MAN1A2: variants seen among roughly 807,000 people sequenced by gnomAD.
MAN1A2 encodes mannosidase alpha class 1A member 2.
MAN1A2 carries 26 observed loss-of-function variants against 75.7 expected under a neutral mutation model. The ratio of observed to expected loss-of-function variants is 0.34; its 90% CI spans 0.25 to 0.48. The LOEUF (loss-of-function observed/expected upper bound fraction) is 0.48. Ranked by LOEUF, MAN1A2 falls within the 20% of genes least tolerant of loss-of-function variation. MAN1A2 has a pLI of 0.99. For missense variants in MAN1A2, 562 were observed against 775.5 expected, an observed-to-expected ratio of 0.72 and a Z score of 3.27; for synonymous variants, 247 against 264.6, an observed-to-expected ratio of 0.93 and a Z score of 0.65.
intron 8 of MAN1A2, among the ~76,000 whole-genome samples, chr1:117,472,450 T>G (rs1435582728): frequency 6.6e-6 from 1 of 152,076 alleles, no homozygotes; most frequent in Non-Finnish European, 1.5e-5. Flanking sequence ...TATCAACCAC[T>G]GTTCCAGATG....
chr1:117,382,998 C>A (rs945223652), intron 1 of MAN1A2, among the ~76,000 whole-genome samples: 1 of 152,150 alleles, frequency 6.6e-6, no homozygotes, highest in Non-Finnish European at 1.5e-5. Context: ...TTTACTTCTT[C>A]CTTTCCAATT....
At chr1:117,470,554 A>G (rs1301333096) in intron 8 of MAN1A2, among the ~76,000 whole-genome samples, 2 of 152,076 alleles carry the variant, frequency 1.3e-5, no homozygotes, top group Admixed American at 6.6e-5. Flanking sequence ...CACAAAATAA[A>G]TTCAAATTAC....
chr1:117,442,321 A>G lies in MAN1A2; in HGVS notation c.946A>G (p.Lys316Glu), dbSNP rs1319585356. The G allele has an allele frequency of 1.4e-5, 22 of 1,597,806 alleles. No homozygotes were observed. The highest frequency in any genetic ancestry group is 1.9e-5 in the Non-Finnish European group (22 of 1,165,338). Residue 316 changes from lysine (K) to glutamate (E), a missense_variant, in exon 6 of 13, where the codon AAA (lysine) becomes GAA (glutamate). Physicochemically the swap from Lys to Glu is moderately conservative, Grantham distance 56. Around this residue, in one of 2 missense-constraint regions of MAN1A2, gnomAD observed 434 missense variants for 645.7 expected, o/e 0.67. Coordinates refer to ENST00000356554, the MANE Select transcript of MAN1A2 (RefSeq NM_006699.5). ...TGIPWAMVNL[K>E]SGVGRNWGWA... is the part of the protein sequence containing the mutation. Reference sequence around the variant, plus strand: ...GATTCCTTGGGCAATGGTGAATTTGAAAAGGTAACTCTATGTGGGTATTCT... The same window carrying G: ...GATTCCTTGGGCAATGGTGAATTTGGAAAGGTAACTCTATGTGGGTATTCT...
intron 8 of MAN1A2, among the ~76,000 whole-genome samples, chr1:117,491,525 G>T (rs903151268): frequency 5.3e-5 from 8 of 151,830 alleles, no homozygotes; most frequent in African/African-American, 1.7e-4. Flanking sequence ...ACCATTTTCT[G>T]CAGTGAAGAT....
intron 8 of MAN1A2, among the ~76,000 whole-genome samples, chr1:117,490,352 G>A (rs534324198): frequency 5.4e-4 from 82 of 151,952 alleles, no homozygotes; most frequent in African/African-American, 1.8e-3. Context: ...TTAGTATTAT[G>A]TATGTTATAG....
At chr1:117,510,401 A>C (rs913987983) in intron 12 of MAN1A2, among the ~76,000 whole-genome samples, 1 of 152,050 alleles carries the variant, frequency 6.6e-6, no homozygotes, top group African/African-American at 2.4e-5. Context: ...ACTACCTGAT[A>C]ATGTGTAGTA....
At chr1:117,495,757 T>A (rs1651020086) in intron 9 of MAN1A2, among the ~76,000 whole-genome samples, 1 of 151,832 alleles carries the variant, frequency 6.6e-6, no homozygotes, top group Non-Finnish European at 1.5e-5. Flanking sequence ...TATCATGAGG[T>A]TCAAAAAGAT....
chr1:117,403,746 T>C (rs1171053620), intron 2 of MAN1A2, among the ~76,000 whole-genome samples: 3 of 152,230 alleles, frequency 2.0e-5, no homozygotes, highest in African/African-American at 7.2e-5. Flanking sequence ...TCTTGATTTT[T>C]ATACCTTTTA....
intron 7 of MAN1A2, among the ~76,000 whole-genome samples, chr1:117,462,602 T>C (rs1649855523): frequency 6.6e-6 from 1 of 152,110 alleles, no homozygotes; most frequent in African/African-American, 2.4e-5. Flanking sequence ...ATGTTATGTA[T>C]AGTTTTGAAA....
At chr1:117,447,460 CAT>C (rs1649273158) in intron 6 of MAN1A2, among the ~76,000 whole-genome samples, 2 of 151,918 alleles carry the variant, frequency 1.3e-5, no homozygotes, top group African/African-American at 2.4e-5. Context: ...TGTACATAGA[CAT>C]GTGTTGGTAT....
intron 1 of MAN1A2, among the ~76,000 whole-genome samples, chr1:117,389,632 T>C (rs1290432273): frequency 6.6e-6 from 1 of 152,196 alleles, no homozygotes; most frequent in Non-Finnish European, 1.5e-5. Context: ...GGGGTAGTGA[T>C]TTTTAGTATT....
At chr1:117,381,440 G>T (rs1027063317) in intron 1 of MAN1A2, among the ~76,000 whole-genome samples, 6 of 151,972 alleles carry the variant, frequency 3.9e-5, no homozygotes, top group Admixed American at 2.0e-4. Flanking sequence ...GCGGTGTTTG[G>T]TTTTTTGTCT....
In MAN1A2 at chr1:117,526,880, C is replaced by CTCTATATATATA; in HGVS notation, c.*3924_*3925insCTATATATATAT. ...TCTCTCTCTCTCTCTCTCTCTCTCT[C>CTCTATATATATA]TATATATATATATATATATATATAT... On this transcript the variant is annotated 3_prime_UTR_variant, in exon 13 of 13. Coordinates refer to ENST00000356554, the MANE Select transcript of MAN1A2 (RefSeq NM_006699.5). The CTCTATATATATA allele has an allele frequency of 7.9e-4, 43 of 54,510 alleles. No individual in the cohort carries two copies. The highest frequency in any genetic ancestry group is 1.2e-3 in the African/African-American group (15 of 12,284). 3.4% of individuals were successfully genotyped at this position (54,510 alleles called of 1,614,324 possible).
chr1:117,527,092 G>T lies in MAN1A2; in HGVS notation c.*4135G>T, dbSNP rs917892219. ...GGAGATATTTTAATCCATTTATCCT[G>T]GCTCAAGAACACTGATAAAGATGAT... On this transcript the variant is annotated 3_prime_UTR_variant, in exon 13 of 13. Transcript: ENST00000356554. 1 of 151,376 alleles carries T rather than the reference G, an allele frequency of 6.6e-6. No homozygotes were observed. Among genetic ancestry groups the T allele is most frequent in the Admixed American group, 6.6e-5 (1 of 15,140 alleles). The allele number at this position is 151,376 out of a possible 1,614,324, so 9.4% of individuals were successfully genotyped here.
intron 12 of MAN1A2, among the ~76,000 whole-genome samples, chr1:117,510,715 G>A (rs1651510576): frequency 6.6e-6 from 1 of 152,012 alleles, no homozygotes. Context: ...ACAAATGTTT[G>A]TTGTTAAGTG....
intron 5 of MAN1A2, among the ~76,000 whole-genome samples, chr1:117,430,198 C>A (rs1393281780): frequency 1.1e-5 from 1 of 93,046 alleles, no homozygotes; most frequent in Non-Finnish European, 2.2e-5. Flanking sequence ...GGCGGCTGGC[C>A]GGGCGGGGGG....
intron 4 of MAN1A2, 42 bp downstream of exon 4, chr1:117,414,873 A>G (rs376246964): frequency 1.8e-5 from 22 of 1,191,398 alleles, no homozygotes; most frequent in Non-Finnish European, 2.5e-5. Context: ...ATTAACCATG[A>G]AAAGACACAA....
At chr1:117,461,727 G>A (rs547983204) in intron 7 of MAN1A2, among the ~76,000 whole-genome samples, 2 of 151,878 alleles carry the variant, frequency 1.3e-5, no homozygotes, top group Middle Eastern at 3.4e-3. Context: ...ATATTGAAGA[G>A]GATATAAATA....
At chr1:117,508,024 G>A (rs563157138) in intron 12 of MAN1A2, among the ~76,000 whole-genome samples, 1 of 151,596 alleles carries the variant, frequency 6.6e-6, no homozygotes, top group African/African-American at 2.4e-5. Flanking sequence ...TATCTCCCAC[G>A]TGGATTCTCT....
Sources: gnomAD v4.1 joint callset for allele counts (sites outside exome capture counted in the v4.1 genomes callset) on GRCh38, gnomAD v4.1.1 for gene constraint, gnomAD v4.1.1 regional missense constraint, MANE v1.5 for transcripts, NCBI Gene and HGNC (gene_info 2026-07-23, HGNC 2026-07-21) for gene names.